Variants in RASSF4 observed in about 807,000 individuals in gnomAD.
The protein encoded by RASSF4 is Ras association domain family member 4, also known as ras association domain-containing protein 4.
Under a neutral mutation model 41.1 loss-of-function variants are expected in RASSF4, and 38 were observed. That is an observed-to-expected ratio of 0.92 (90% CI 0.71 to 1.21). RASSF4 has a LOEUF of 1.21. Among genes scored for constraint, RASSF4 ranks in the 50% most tolerant of loss-of-function variants. The pLI is 0.00. For synonymous variants in RASSF4, 179 were observed against 163.4 expected, an observed-to-expected ratio of 1.10 and a Z score of -0.73; for missense variants, 414 against 419.4, an observed-to-expected ratio of 0.99 and a Z score of 0.11.
At chr10:44,977,679 T>C (rs1306266701) in intron 3 of RASSF4, 1 of 1,612,904 alleles carries the variant, frequency 6.2e-7, no homozygotes, top group African/African-American at 1.3e-5. Context: ...TCCCTCTGGC[T>C]TGGCTGCTTT....
rs767125140 is a variant in RASSF4, at chr10:44,991,970, G to C, written c.873G>C (p.Glu291Asp). The C allele has an allele frequency of 3.1e-6, 5 of 1,612,518 alleles. No individual in the cohort carries two copies. Among genetic ancestry groups the C allele is most frequent in the Non-Finnish European group, 4.2e-6 (5 of 1,178,660 alleles). ...LDSFVEKLKE[E>D]EEREIIKLTM... Reference sequence around the variant, plus strand: ...GTTTTGTTGAAAAATTAAAAGAAGAGGAAGAAAGAGAAATAATCAAACTGA... The same window carrying C: ...GTTTTGTTGAAAAATTAAAAGAAGACGAAGAAAGAGAAATAATCAAACTGA... The change falls in exon 10 of 11, where the codon GAG becomes GAC. Residue 291 changes from glutamate (E) to aspartate (D), a missense_variant. By Grantham distance (45) the Glu-to-Asp change is conservative. Coordinates refer to ENST00000340258, the MANE Select transcript of RASSF4 (RefSeq NM_032023.4).
chr10:44,989,199 G>C, intron 6 of RASSF4, 75 bp from the exon 7 acceptor site: 1 of 892,422 alleles, frequency 1.1e-6, no homozygotes, highest in African/African-American at 1.6e-5. Context: ...TGCTGCCTTG[G>C]TCTGTTCACC....
rs755113334 is a variant in RASSF4 at position 44,993,361 on chromosome 10, A to G, written c.*32A>G. On this transcript the variant is annotated 3_prime_UTR_variant, in exon 11 of 11. Coordinates refer to ENST00000340258, the MANE Select transcript of RASSF4 (RefSeq NM_032023.4). ...AACACCTGCCTCTTCCAAAGTCCCC[A>G]GCAGTGGCAGGTGTACACTGAGCCC... 2 of 1,568,958 alleles carry G rather than the reference A, an allele frequency of 1.3e-6. No homozygotes were observed. Among genetic ancestry groups the G allele is most frequent in the Admixed American group, 3.5e-5 (2 of 57,800 alleles).
At chr10:44,983,688 G>T in intron 4 of RASSF4, 1 of 277,470 alleles carries the variant, frequency 3.6e-6, no homozygotes. Context: ...GAGCCTGTTT[G>T]GCACACAGCT....
chr10:44,989,208 C>G, intron 6 of RASSF4, 66 bp from the exon 7 acceptor site: 1 of 999,724 alleles, frequency 1.0e-6, no homozygotes, highest in Admixed American at 1.8e-5. Flanking sequence ...GGTCTGTTCA[C>G]CGTTGTGATG....
intron 5 of RASSF4, 66 bp from the exon 6 acceptor site, chr10:44,984,747 C>T (rs570962792): frequency 4.8e-5 from 75 of 1,573,864 alleles, no homozygotes; most frequent in South Asian, 1.1e-4. Context: ...CCAGATCTCC[C>T]GACAGCAGGC....
intron 3 of RASSF4, among the ~76,000 whole-genome samples, chr10:44,979,649 C>T (rs927630107): frequency 6.6e-6 from 1 of 152,128 alleles, no homozygotes; most frequent in Admixed American, 6.5e-5. Context: ...GTGGCAGGGG[C>T]AGCACGTGCA....
In RASSF4 at chr10:44,989,381, C is replaced by T; in HGVS notation, c.633+6C>T. ...TGCTGCTGAACAAATTTAGGGTAAG[C>T]CTGGTCAGGAGCAGCCTTGCCCCAG... On this transcript the variant is annotated splice_donor_region_variant and intron_variant, in intron 7 of 10. Coordinates refer to ENST00000340258, the MANE Select transcript of RASSF4 (RefSeq NM_032023.4). The T allele has an allele frequency of 1.9e-6, 3 of 1,595,956 alleles. No individual in the cohort carries two copies. In the South Asian group the frequency reaches 3.3e-5, roughly 18 times the overall value.
At chr10:44,977,572 A>C in intron 3 of RASSF4, 1 of 1,613,442 alleles carries the variant, frequency 6.2e-7, no homozygotes, top group Non-Finnish European at 8.5e-7. Flanking sequence ...TCCTGGCTTC[A>C]CAGAGCCTCC....
intron 3 of RASSF4, among the ~76,000 whole-genome samples, chr10:44,980,125 G>A (rs2132788478): frequency 6.6e-6 from 1 of 152,238 alleles, no homozygotes; most frequent in South Asian, 2.1e-4. Context: ...TCTGAGTACT[G>A]GGCAGACCCC....
In RASSF4 at chr10:44,994,463, A is replaced by T. The variant is rs1183420336; in HGVS notation, c.*1134A>T. On this transcript the variant is annotated 3_prime_UTR_variant, in exon 11 of 11. Transcript: ENST00000340258. Reference sequence around the variant, plus strand: ...GGAAGAACCACAAAGGCTTGCAAAGATAGGAGAGGCTCCATCTCTAATGCA... The same window carrying T: ...GGAAGAACCACAAAGGCTTGCAAAGTTAGGAGAGGCTCCATCTCTAATGCA... 2.0e-5 allele frequency: 3 copies of T among 152,632 alleles called. No individual in the cohort carries two copies. The highest frequency in any genetic ancestry group is 4.4e-5 in the Non-Finnish European group (3 of 68,056). The allele number at this position is 152,632 out of a possible 1,614,324, so 9.5% of individuals were successfully genotyped here.
chr10:44,993,210 T>C, intron 10 of RASSF4, 59 bp from the exon 11 acceptor site: 1 of 1,495,978 alleles, frequency 6.7e-7, no homozygotes. Flanking sequence ...CTTGCTCTGC[T>C]GCCCACCTCC....
intron 7 of RASSF4, 29 bp from the exon 8 acceptor site, chr10:44,989,641 G>T: frequency 1.2e-6 from 2 of 1,611,926 alleles, no homozygotes; most frequent in Non-Finnish European, 1.7e-6. Context: ...CAAGCACCGT[G>T]ATCTGACTTC....
chr10:44,964,281 C>A (rs901046989), intron 1 of RASSF4, among the ~76,000 whole-genome samples: 4 of 152,260 alleles, frequency 2.6e-5, no homozygotes, highest in African/African-American at 9.6e-5. Flanking sequence ...GGGGTACAGA[C>A]AGCCCTGGCT....
At chr10:44,975,136 C>T (rs1400866527) in intron 3 of RASSF4, among the ~76,000 whole-genome samples, 1 of 152,090 alleles carries the variant, frequency 6.6e-6, no homozygotes, top group East Asian at 1.9e-4. Context: ...ACCGCGGGCG[C>T]GCTCCACATC....
chr10:44,987,601 A>T lies in RASSF4; in HGVS notation c.532-1673A>T, dbSNP rs1173702512. ...TGCAAATGGAAGGTTGCTGTTCAGCAACCTTCCATTTGCAAAAATGTGCAC... is the reference window on the plus strand; with the variant it reads ...TGCAAATGGAAGGTTGCTGTTCAGCTACCTTCCATTTGCAAAAATGTGCAC... On this transcript the variant is annotated intron_variant, in intron 6 of 10. Coordinates refer to ENST00000340258, the MANE Select transcript of RASSF4 (RefSeq NM_032023.4). Among the ~76,000 whole-genome samples the T allele has an allele frequency of 7.5e-4, 108 of 143,844 alleles. 1 individual carries two copies. The highest frequency in any genetic ancestry group is 1.1e-4 in the Non-Finnish European group (7 of 66,600). 94.4% of individuals were successfully genotyped at this position (143,844 alleles called of 152,430 possible).
rs1020158953 is a variant in RASSF4, at chr10:44,994,029, G to A, written c.*700G>A. ...ACGGTCATTCAATCACATTGAGGAG[G>A]GTCCACATGGCATTGAGAGGGTGCT... On this transcript the variant is annotated 3_prime_UTR_variant, in exon 11 of 11. Transcript: ENST00000340258. 2 of 152,236 alleles carry A rather than the reference G, an allele frequency of 1.3e-5. No homozygotes were observed. The highest frequency in any genetic ancestry group is 1.3e-4 in the Admixed American group (2 of 15,274). 9.4% of individuals were successfully genotyped at this position (152,236 alleles called of 1,614,324 possible).
chr10:44,975,785 C>T (rs925274007), intron 3 of RASSF4, among the ~76,000 whole-genome samples: 1 of 151,480 alleles, frequency 6.6e-6, no homozygotes, highest in Non-Finnish European at 1.5e-5. Context: ...ACCTCTTTCA[C>T]ACAGCTGGGT....
chr10:44,968,318 C>T (rs990211231), intron 1 of RASSF4, among the ~76,000 whole-genome samples: 11 of 152,034 alleles, frequency 7.2e-5, no homozygotes, highest in Admixed American at 1.3e-4. Context: ...GCGGAGGTGC[C>T]GAGGAACTGA....
Sources: gnomAD v4.1 joint callset for allele counts (sites outside exome capture counted in the v4.1 genomes callset) on GRCh38, gnomAD v4.1.1 for gene constraint, MANE v1.5 for transcripts, NCBI Gene and HGNC (gene_info 2026-07-23, HGNC 2026-07-21) for gene names.